Variants in LRMDA observed in about 807,000 individuals in gnomAD.
LRMDA encodes the protein leucine-rich melanocyte differentiation-associated protein.
LRMDA carries 18 observed loss-of-function variants against 29.8 expected under a neutral mutation model. The observed-to-expected ratio is 0.60, with a 90% CI of 0.42 to 0.90. The LOEUF (loss-of-function observed/expected upper bound fraction) is 0.90, where lower values mean the gene tolerates loss of function less well. LRMDA is among the 40% of genes least tolerant of loss of function. LRMDA has a pLI of 0.00. For synonymous variants in LRMDA, 125 were observed against 109.4 expected, an observed-to-expected ratio of 1.14 and a Z score of -0.89; for missense variants, 273 against 273.9, an observed-to-expected ratio of 1.00 and a Z score of 0.02.
intron 2 of LRMDA, among the ~76,000 whole-genome samples, chr10:75,920,473 T>C (rs1446130496): frequency 6.6e-6 from 1 of 152,192 alleles, no homozygotes; most frequent in Non-Finnish European, 1.5e-5. Context: ...TTAGTAGTCT[T>C]GGGATAATAG....
chr10:76,087,937 C>T (rs1408121136), intron 5 of LRMDA, among the ~76,000 whole-genome samples: 3 of 152,110 alleles, frequency 2.0e-5, no homozygotes, highest in African/African-American at 4.8e-5. Context: ...GCCTGGGCAA[C>T]ATGCAGACCC....
At chr10:75,963,003 G>T (rs1846795128) in intron 2 of LRMDA, among the ~76,000 whole-genome samples, 1 of 152,206 alleles carries the variant, frequency 6.6e-6, no homozygotes, top group East Asian at 1.9e-4. Context: ...GACCAATTAG[G>T]GAATTAATTC....
intron 6 of LRMDA, among the ~76,000 whole-genome samples, chr10:76,354,288 A>T (rs1841213324): frequency 6.6e-6 from 1 of 152,202 alleles, no homozygotes; most frequent in Non-Finnish European, 1.5e-5. Flanking sequence ...TGGAGGCTGA[A>T]CAGGGTGCTG....
At chr10:75,895,589 A>C (rs1845567936) in intron 2 of LRMDA, among the ~76,000 whole-genome samples, 1 of 152,156 alleles carries the variant, frequency 6.6e-6, no homozygotes, top group Non-Finnish European at 1.5e-5. Flanking sequence ...GGACTTTGGC[A>C]GTGATAAGTG....
intron 2 of LRMDA, among the ~76,000 whole-genome samples, chr10:75,466,892 A>T (rs989712144): frequency 6.6e-6 from 1 of 152,162 alleles, no homozygotes; most frequent in Non-Finnish European, 1.5e-5. Flanking sequence ...GAAAGAAAAA[A>T]TTAAAAAAAA....
chr10:75,639,854 C>T lies in LRMDA; in HGVS notation c.131+201360C>T, dbSNP rs542016658. 1.1e-3 allele frequency among the ~76,000 whole-genome samples: 175 copies of T among 152,278 alleles called. 1 individual carries two copies. Among genetic ancestry groups the T allele is most frequent in the Non-Finnish European group, 1.8e-3 (125 of 68,026 alleles). On this transcript the variant is annotated intron_variant, in intron 2 of 6. Coordinates refer to ENST00000611255, the MANE Select transcript of LRMDA (RefSeq NM_001305581.2). The stretch of plus-strand genomic sequence containing the variant: ...GTCCTGCGCGGCTGCGCTCGGAGAG[C>T]GGACATTAAGATTAAGTGATGCTGT...
intron 2 of LRMDA, among the ~76,000 whole-genome samples, chr10:75,867,616 C>CA (rs1845042556): frequency 6.6e-6 from 1 of 152,170 alleles, no homozygotes; most frequent in African/African-American, 2.4e-5. Context: ...AAAGGAACCC[C>CA]AAAGCACCCA....
At chr10:76,538,351 T>A (rs1400957274) in intron 6 of LRMDA, among the ~76,000 whole-genome samples, 1 of 150,336 alleles carries the variant, frequency 6.7e-6, no homozygotes, top group Non-Finnish European at 1.5e-5. Context: ...TGTATATGGG[T>A]TTTTTTTTAA....
At chr10:75,503,769 C>A (rs187692654) in intron 2 of LRMDA, among the ~76,000 whole-genome samples, 10 of 152,080 alleles carry the variant, frequency 6.6e-5, no homozygotes, top group Non-Finnish European at 8.8e-5. Flanking sequence ...TAAGAAACTA[C>A]ACTCGCACAG....
intron 2 of LRMDA, among the ~76,000 whole-genome samples, chr10:75,442,771 T>A (rs965698864): frequency 1.4e-4 from 21 of 152,202 alleles, no homozygotes; most frequent in Middle Eastern, 6.8e-3. Flanking sequence ...TTTTTTTCTA[T>A]TTCTGTGAAA....
At chr10:75,607,900 G>A (rs978798771) in intron 2 of LRMDA, among the ~76,000 whole-genome samples, 18 of 143,100 alleles carry the variant, frequency 1.3e-4, no homozygotes, top group African/African-American at 4.7e-4. Flanking sequence ...CTTCTGTTAG[G>A]TATCCAAACA....
intron 2 of LRMDA, among the ~76,000 whole-genome samples, chr10:75,756,760 A>G (rs1367588464): frequency 6.6e-6 from 1 of 152,192 alleles, no homozygotes. Context: ...AGGCACAGAA[A>G]TGTTCAGTAA....
intron 2 of LRMDA, among the ~76,000 whole-genome samples, chr10:75,599,703 G>A (rs1840856155): frequency 6.6e-6 from 1 of 152,166 alleles, no homozygotes; most frequent in East Asian, 1.9e-4. Context: ...TGTCCAATAT[G>A]GTAGCCACTA....
chr10:75,633,858 A>G (rs2132114766), intron 2 of LRMDA, among the ~76,000 whole-genome samples: 1 of 152,354 alleles, frequency 6.6e-6, no homozygotes, highest in South Asian at 2.1e-4. Flanking sequence ...TTGTTGGAAT[A>G]TGGGTGAGAA....
At chr10:75,642,053 G>T (rs183734814) in intron 2 of LRMDA, among the ~76,000 whole-genome samples, 8 of 152,284 alleles carry the variant, frequency 5.3e-5, no homozygotes, top group Admixed American at 4.6e-4. Context: ...TCATCCAAGG[G>T]TCTCTTTCCT....
intron 2 of LRMDA, among the ~76,000 whole-genome samples, chr10:75,793,942 A>T (rs1909695): frequency 6.6e-6 from 1 of 152,102 alleles, no homozygotes; most frequent in Non-Finnish European, 1.5e-5. Flanking sequence ...TCTCTGTCAC[A>T]ACTCCTCAAC....
chr10:76,437,962 C>A (rs1842262005), intron 6 of LRMDA, among the ~76,000 whole-genome samples: 1 of 152,176 alleles, frequency 6.6e-6, no homozygotes, highest in Non-Finnish European at 1.5e-5. Flanking sequence ...AGCAGGGAAG[C>A]TAGTGACTTA....
chr10:75,706,732 C>CTT (rs61099708), intron 2 of LRMDA, among the ~76,000 whole-genome samples: 26,027 of 126,018 alleles, frequency 0.21, 2,828 homozygotes, highest in South Asian at 0.3. Flanking sequence ...ATTGGTACCA[C>CTT]TTTTTTTTTT....
chr10:76,178,780 C>T (rs745422307), intron 5 of LRMDA, among the ~76,000 whole-genome samples: 5 of 152,200 alleles, frequency 3.3e-5, no homozygotes, highest in Non-Finnish European at 7.3e-5. Flanking sequence ...AGAAAAGCAG[C>T]GTATTCAAGT....
Sources: allele counts gnomAD v4.1 joint callset (sites outside exome capture counted in the v4.1 genomes callset), GRCh38; gene constraint gnomAD v4.1.1; transcripts MANE v1.5; gene names NCBI Gene and HGNC (gene_info 2026-07-23, HGNC 2026-07-21).